The following COMT variants were observed in gnomAD, a reference collection of about 807,000 sequenced individuals.
The protein encoded by COMT is catechol O-methyltransferase.
Under a neutral mutation model 18.9 loss-of-function variants are expected in COMT, and 13 were observed. The observed-to-expected ratio is 0.69, with a 90% confidence interval of 0.45 to 1.09. The LOEUF is 1.09. COMT is among the 50% of genes least tolerant of loss of function. The probability of loss-of-function intolerance (pLI) is 0.00; values close to 1 mark genes in which losing one functional copy is unlikely to be tolerated. For synonymous variants in COMT, 150 were observed against 160.9 expected, an observed-to-expected ratio of 0.93 and a Z score of 0.51; for missense variants, 329 against 361.8, an observed-to-expected ratio of 0.91 and a Z score of 0.73.
At chr22:19,964,414 G>A (rs769380356) in intron 5 of COMT, 115 bp downstream of exon 5, 40 of 1,442,996 alleles carry the variant, frequency 2.8e-5, no homozygotes, top group East Asian at 1.7e-4. Flanking sequence ...GACACAGCTC[G>A]CTCTGGAGGC....
chr22:19,958,755 G>T (rs1016413575), intron 1 of COMT, among the ~76,000 whole-genome samples: 1 of 150,824 alleles, frequency 6.6e-6, no homozygotes, highest in Non-Finnish European at 1.5e-5. Context: ...TGGGTGTGCG[G>T]TGGTGCACAT....
rs79048885 is a variant in COMT, at chr22:19,964,194, G to A, written c.510G>A (p.Gln170=). ...TCACCCTTGTGGTTGGAGCGTCCCA[G>A]GACATCATCCCCCAGCTGAAGAAGA... ...DKVTLVVGAS[Q]DIIPQLKKKY... The change falls in exon 5 of 6, where the codon CAG becomes CAA. Residue 170 remains glutamine (Q), a synonymous_variant. Transcript: ENST00000361682. The A allele has an allele frequency of 1.7e-4, 268 of 1,614,142 alleles. 4 individuals are homozygous for A. In the Admixed American group the frequency reaches 4.4e-3, roughly 26 times the overall value.
At chr22:19,964,008 T>C in intron 4 of COMT, 160 bp from the exon 5 acceptor site, 1 of 1,447,508 alleles carries the variant, frequency 6.9e-7, no homozygotes. Context: ...TGGGGCCTTG[T>C]CATCCCAGAA....
At position 19,962,662 on chromosome 22, in the gene COMT, A is replaced by G; in HGVS notation, c.136A>G (p.Ile46Val). 6.2e-7 allele frequency: 1 copy of G among 1,612,330 alleles called. No individual in the cohort carries two copies. The highest frequency in any genetic ancestry group is 1.1e-5 in the South Asian group (1 of 90,832). ...CTGGAACGAGTTCATCCTGCAGCCC[A>G]TCCACAACCTGCTCATGGGTGACAC... ...IGWNEFILQPIHNLLMGDTKE... is the reference protein window; with the variant it reads ...IGWNEFILQPVHNLLMGDTKE... Residue 46 changes from isoleucine to valine, a missense_variant, in exon 3 of 6, where the codon ATC becomes GTC. Transcript: ENST00000361682.
At chr22:19,962,231 A>G in intron 2 of COMT, 2 of 500,230 alleles carry the variant, frequency 4.0e-6, no homozygotes, top group Non-Finnish European at 7.3e-6. Flanking sequence ...GTGTGGTTTT[A>G]GAGGATCCCT....
At chr22:19,967,014 G>A in intron 5 of COMT, 1 of 1,198,916 alleles carries the variant, frequency 8.3e-7, no homozygotes, top group Non-Finnish European at 1.1e-6. Flanking sequence ...GCTGGTAGGA[G>A]GCTTGCAGTG....
intron 5 of COMT, chr22:19,967,416 A>C (rs1165876731): frequency 4.2e-6 from 2 of 471,124 alleles, no homozygotes; most frequent in African/African-American, 2.0e-5. Flanking sequence ...TCTAAATGAA[A>C]ACACATCATG....
chr22:19,958,575 T>TTA (rs367937616), intron 1 of COMT, among the ~76,000 whole-genome samples: 5 of 121,664 alleles, frequency 4.1e-5, no homozygotes, highest in African/African-American at 1.5e-4. Flanking sequence ...TTATTTTCCT[T>TTA]AAAAAAAAAA....
At chr22:19,946,910 G>GTT (rs35689277) in intron 1 of COMT, among the ~76,000 whole-genome samples, 554 of 117,036 alleles carry the variant, frequency 4.7e-3, no homozygotes, top group East Asian at 7.8e-3. Flanking sequence ...TTTTTTTTTA[G>GTT]TTTTTTTTTT....
At chr22:19,968,470 T>C (rs1180086486) in intron 5 of COMT, 66 bp from the exon 6 acceptor site, 1 of 1,511,266 alleles carries the variant, frequency 6.6e-7, no homozygotes, top group Non-Finnish European at 9.1e-7. Flanking sequence ...GCACCCATCC[T>C]GGTTTGGGGC....
intron 1 of COMT, among the ~76,000 whole-genome samples, chr22:19,946,910 G>GGTTT (rs763607822): frequency 7.7e-5 from 9 of 117,118 alleles, no homozygotes; most frequent in South Asian, 2.8e-4. Context: ...TTTTTTTTTA[G>GGTTT]TTTTTTTTTT....
At chr22:19,968,472 G>A in intron 5 of COMT, 64 bp from the exon 6 acceptor site, 1 of 1,528,406 alleles carries the variant, frequency 6.5e-7, no homozygotes, top group Non-Finnish European at 8.9e-7. Flanking sequence ...ACCCATCCTG[G>A]TTTGGGGCAG....
chr22:19,949,291 C>T (rs1320791311), intron 1 of COMT, among the ~76,000 whole-genome samples: 1 of 152,104 alleles, frequency 6.6e-6, no homozygotes, highest in Non-Finnish European at 1.5e-5. Context: ...CATGTACCAC[C>T]ATGCCAGGCT....
chr22:19,966,653 C>G (rs1466102983), intron 5 of COMT, among the ~76,000 whole-genome samples: 1 of 152,120 alleles, frequency 6.6e-6, no homozygotes, highest in Non-Finnish European at 1.5e-5. Context: ...GTTGCCCAGA[C>G]TGGTCTCAAA....
At chr22:19,945,630 A>C (rs1941823780) in intron 1 of COMT, among the ~76,000 whole-genome samples, 1 of 152,096 alleles carries the variant, frequency 6.6e-6, no homozygotes, top group Admixed American at 6.6e-5. Flanking sequence ...TAATATTACG[A>C]GTCATTGATA....
chr22:19,942,654 C>T (rs57714936), intron 1 of COMT, among the ~76,000 whole-genome samples: 129 of 149,578 alleles, frequency 8.6e-4, no homozygotes, highest in African/African-American at 2.7e-3. Flanking sequence ...CCTGAGGGAC[C>T]GTAGGAGCTG....
At chr22:19,962,840 C>T (rs1311503568) in intron 3 of COMT, 25 bp downstream of exon 3, 6 of 1,591,914 alleles carry the variant, frequency 3.8e-6, no homozygotes, top group Non-Finnish European at 5.1e-6. Flanking sequence ...AGCAGGTGCT[C>T]AGCTCTGGGA....
rs369035502 is a variant in COMT, at chr22:19,965,928, G to C, written c.615+1629G>C. 7.2e-5 allele frequency among the ~76,000 whole-genome samples: 11 copies of C among 152,330 alleles called. No individual in the cohort carries two copies. In the East Asian group the frequency reaches 1.9e-3, roughly 27 times the overall value. The stretch of plus-strand genomic sequence containing the variant: ...ATTGGGTATTGATGGCAGAGAGCTG[G>C]CACTCAGCCAGATGGGCTTCACTTG... On this transcript the variant is annotated intron_variant, in intron 5 of 5. Coordinates refer to ENST00000361682, the MANE Select transcript of COMT (RefSeq NM_000754.4).
chr22:19,960,526 C>T (rs780528043), intron 1 of COMT, among the ~76,000 whole-genome samples: 18 of 152,184 alleles, frequency 1.2e-4, no homozygotes, highest in Non-Finnish European at 2.4e-4. Flanking sequence ...TTTTTCCCCA[C>T]GAGCCCTGTG....
Sources: gnomAD v4.1 joint callset for allele counts (sites outside exome capture counted in the v4.1 genomes callset) on GRCh38, gnomAD v4.1.1 for gene constraint, MANE v1.5 for transcripts, NCBI Gene and HGNC (gene_info 2026-07-23, HGNC 2026-07-21) for gene names.